Variants in BRIP1 observed in about 807,000 individuals in gnomAD.
BRIP1 encodes Fanconi anemia group J protein.
A neutral mutation model predicts 119.7 loss-of-function variants in BRIP1; 88 were observed. The observed-to-expected ratio is 0.74, with a 90% CI of 0.62 to 0.88. The LOEUF (loss-of-function observed/expected upper bound fraction) is 0.88. Among genes scored for constraint, BRIP1 ranks in the 40% least tolerant of loss-of-function variants. The pLI, the probability that BRIP1 is intolerant of heterozygous loss-of-function variation, is 0.00. For missense variants in BRIP1, 1,259 were observed against 1,455.4 expected, an observed-to-expected ratio of 0.87 and a Z score of 2.20; for synonymous variants, 443 against 496.5, an observed-to-expected ratio of 0.89 and a Z score of 1.43.
chr17:61,772,264 C>T (rs72842989), intron 14 of BRIP1, among the ~76,000 whole-genome samples: 91 of 144,114 alleles, frequency 6.3e-4, no homozygotes, highest in African/African-American at 2.0e-3. Context: ...ACAAGATGGA[C>T]GAACCCTGAA....
chr17:61,776,304 C>G lies in BRIP1; in HGVS notation c.2097+97G>C, dbSNP rs2077531327. 7.2e-7 allele frequency: 1 copy of G among 1,387,592 alleles called. No individual in the cohort carries two copies. Among genetic ancestry groups the G allele is most frequent in the Non-Finnish European group, 1.0e-6 (1 of 978,766 alleles). 86.0% of individuals were successfully genotyped at this position (1,387,592 alleles called of 1,614,324 possible). A position where few individuals can be genotyped will look rare whatever the true frequency, so the allele number is the denominator to read the frequency against. On this transcript the variant is annotated intron_variant, in intron 14 of 19. Transcript: ENST00000259008. This position sits in a 1 kb window ranked among gnomAD's most constrained non-coding sequence, Gnocchi z 5.0. Reference sequence around the variant, plus strand: ...TAGTTATTACCTTGTTGCCTCTACCCTAGGAAGCTTACTGTGGTAATTTTA... The same window carrying G: ...TAGTTATTACCTTGTTGCCTCTACCGTAGGAAGCTTACTGTGGTAATTTTA...
In BRIP1 at chr17:61,738,911, A is replaced by T. The variant is rs1316241214; in HGVS notation, c.2379+4102T>A. ...ATATGTAATCAGAATTATAATCTTG[A>T]TGATCCTTTCAGGCCTTGTTACTTT... On this transcript the variant is annotated intron_variant, in intron 16 of 19. Coordinates refer to ENST00000259008, the MANE Select transcript of BRIP1 (RefSeq NM_032043.3). This position sits in a 1 kb window ranked among gnomAD's most constrained non-coding sequence, Gnocchi z 4.2. The T allele has an allele frequency of 6.6e-6, 1 of 152,514 alleles. No individual in the cohort carries two copies. The highest frequency in any genetic ancestry group is 1.5e-5 in the Non-Finnish European group (1 of 68,264). 9.4% of individuals were successfully genotyped at this position (152,514 alleles called of 1,614,324 possible).
rs2077150597 is a variant in BRIP1 at position 61,752,893 on chromosome 17, T to C, written c.2098-8302A>G. ...GGTTCACAGGTGCTCTGTAGGTATA[T>C]GATTAGCCCAAATATGATTACAGTA... On this transcript the variant is annotated intron_variant, in intron 14 of 19. Coordinates refer to ENST00000259008, the MANE Select transcript of BRIP1 (RefSeq NM_032043.3). The surrounding 1 kb of genome is among the most constrained non-coding windows in gnomAD (Gnocchi z 6.2). 6.6e-6 allele frequency among the ~76,000 whole-genome samples: 1 copy of C among 152,226 alleles called. No homozygotes were observed. Among genetic ancestry groups the C allele is most frequent in the South Asian group, 2.1e-4 (1 of 4,830 alleles).
At chr17:61,811,450 C>T (rs2078160609) in intron 6 of BRIP1, among the ~76,000 whole-genome samples, 3 of 151,540 alleles carry the variant, frequency 2.0e-5, no homozygotes, top group Non-Finnish European at 2.9e-5. Flanking sequence ...CTCGAACTCC[C>T]GAAATCAGGT....
chr17:61,787,746 G>A (rs1223062623), intron 10 of BRIP1, among the ~76,000 whole-genome samples: 1 of 152,022 alleles, frequency 6.6e-6, no homozygotes, highest in Non-Finnish European at 1.5e-5. Flanking sequence ...CCAGGTTTGC[G>A]CCATTCTCCT....
chr17:61,850,170 T>C (rs1431056447), intron 4 of BRIP1, among the ~76,000 whole-genome samples: 1 of 151,506 alleles, frequency 6.6e-6, no homozygotes, highest in East Asian at 2.0e-4. Context: ...TGGTGTGATC[T>C]CAGCTCACCA....
rs73332546 is a variant in BRIP1, at chr17:61,849,963, T to C, written c.380-707A>G. ...TCTTCCTTAATGTCTGTAACACTGC[T>C]CTTAACTATTCTCATACATTGGTTT... On this transcript the variant is annotated intron_variant, in intron 4 of 19. Transcript: ENST00000259008. Among the ~76,000 whole-genome samples, 436 of 152,334 alleles carry C rather than the reference T, an allele frequency of 2.9e-3. 3 individuals are homozygous for C. Among genetic ancestry groups the C allele is most frequent in the African/African-American group, 1.0e-2 (414 of 41,574 alleles).
Position 61,743,726 on chromosome 17 carries a change from C to T in BRIP1, c.2258-592G>A, listed in dbSNP as rs529897677. ...TGTGTGAGACAGGGTCTCACTCTGT[C>T]AGCCAGGCTGGAGTGCAGTGGCACA... On this transcript the variant is annotated intron_variant, in intron 15 of 19. Transcript: ENST00000259008. The surrounding 1 kb of genome is among the most constrained non-coding windows in gnomAD (Gnocchi z 4.3). Among the ~76,000 whole-genome samples, 5 of 152,150 alleles carry T rather than the reference C, an allele frequency of 3.3e-5. No individual in the cohort carries two copies. The highest frequency in any genetic ancestry group is 7.2e-5 in the African/African-American group (3 of 41,442).
chr17:61,680,827 G>A lies in BRIP1; in HGVS notation c.*2469C>T, dbSNP rs375782378. 2.6e-5 allele frequency among the ~76,000 whole-genome samples: 4 copies of A among 152,236 alleles called. No individual in the cohort carries two copies. The highest frequency in any genetic ancestry group is 4.4e-5 in the Non-Finnish European group (3 of 68,010). On this transcript the variant is annotated 3_prime_UTR_variant, in exon 20 of 20. Coordinates refer to ENST00000259008, the MANE Select transcript of BRIP1 (RefSeq NM_032043.3). ...CAAAATGTTTTAATTGTAGCATTGC[G>A]AAAATAAATATCTAGCTTTCCAAGT...
Position 61,780,427 on chromosome 17 carries a change from T to C in BRIP1, c.1795-26A>G, listed in dbSNP as rs758349669. On this transcript the variant is annotated intron_variant, in intron 12 of 19. Transcript: ENST00000259008. This position sits in a 1 kb window ranked among gnomAD's most constrained non-coding sequence, Gnocchi z 5.4. ...CTAAAAGAAAACAACATTAGATAAATAAAATTATCTTTAGAAGAGGCTGGG... is the reference window on the plus strand; with the variant it reads ...CTAAAAGAAAACAACATTAGATAAACAAAATTATCTTTAGAAGAGGCTGGG... 1 of 1,590,252 alleles carries C rather than the reference T, an allele frequency of 6.3e-7. No homozygotes were observed. The highest frequency in any genetic ancestry group is 1.7e-5 in the Admixed American group (1 of 59,962).
At chr17:61,763,241 C>G (rs906919957) in intron 14 of BRIP1, among the ~76,000 whole-genome samples, 1 of 152,012 alleles carries the variant, frequency 6.6e-6, no homozygotes, top group Non-Finnish European at 1.5e-5. Context: ...AAAAGAAATA[C>G]CCATTTATTA....
chr17:61,716,500 A>AT (rs1295935235), intron 16 of BRIP1, among the ~76,000 whole-genome samples: 1 of 152,072 alleles, frequency 6.6e-6, no homozygotes, highest in Non-Finnish European at 1.5e-5. Flanking sequence ...ATAGAATTTC[A>AT]TATAAATATT....
intron 6 of BRIP1, among the ~76,000 whole-genome samples, chr17:61,819,353 T>C (rs2078286417): frequency 6.6e-6 from 1 of 152,166 alleles, no homozygotes; most frequent in Admixed American, 6.5e-5. Context: ...TGAATTACCA[T>C]ATGATCCAGC....
At position 61,760,251 on chromosome 17, in the gene BRIP1, A is replaced by G. The variant is rs1227898835; in HGVS notation, c.2098-15660T>C. ...AATTTAAAAAAAATATATTGAGACA[A>G]ACAAAAATGGAAACACAACATACCA... On this transcript the variant is annotated intron_variant, in intron 14 of 19. Transcript: ENST00000259008. This position sits in a 1 kb window ranked among gnomAD's most constrained non-coding sequence, Gnocchi z 4.6. Among the ~76,000 whole-genome samples, 1 of 151,974 alleles carries G rather than the reference A, an allele frequency of 6.6e-6. No individual in the cohort carries two copies. The highest frequency in any genetic ancestry group is 2.4e-5 in the African/African-American group (1 of 41,434).
rs1478415391 is a variant in BRIP1, at chr17:61,697,280, T to G, written c.2493-3768A>C. Among the ~76,000 whole-genome samples, 9 of 127,488 alleles carry G rather than the reference T, an allele frequency of 7.1e-5. No individual in the cohort carries two copies. The East Asian group carries it at 1.8e-3, about 25-fold the overall frequency. The allele number at this position is 127,488 out of a possible 152,430, so 83.6% of individuals were successfully genotyped here. ...TGAACCTGGGAGGCAGAGGTTGCAG[T>G]GAGCCGAGATCATGCCATTGCACTC... On this transcript the variant is annotated intron_variant, in intron 17 of 19. Transcript: ENST00000259008.
rs1455329968 is a variant in BRIP1 at position 61,789,666 on chromosome 17, T to C, written c.1473+3931A>G. On this transcript the variant is annotated intron_variant, in intron 10 of 19. Coordinates refer to ENST00000259008, the MANE Select transcript of BRIP1 (RefSeq NM_032043.3). The surrounding 1 kb of genome is among the most constrained non-coding windows in gnomAD (Gnocchi z 4.8). ...ACTTATCAGATTAATCAATTTAGAA[T>C]AAGTACACTCATAAAAATGCTACAC... is the stretch of plus-strand genomic sequence containing the variant. Among the ~76,000 whole-genome samples, 2 of 152,102 alleles carry C rather than the reference T, an allele frequency of 1.3e-5. No individual in the cohort carries two copies. The highest frequency in any genetic ancestry group is 2.9e-5 in the Non-Finnish European group (2 of 67,996).
At chr17:61,781,838 T>C (rs770968183) in intron 11 of BRIP1, among the ~76,000 whole-genome samples, 2 of 150,704 alleles carry the variant, frequency 1.3e-5, no homozygotes, top group African/African-American at 2.4e-5. Flanking sequence ...GGAGAATCAC[T>C]TGAACCCGGG....
rs2078035987 is a variant in BRIP1 at position 61,804,090 on chromosome 17, T to C, written c.919-2616A>G. Among the ~76,000 whole-genome samples the C allele has an allele frequency of 6.6e-6, 1 of 152,244 alleles. No homozygotes were observed. Among genetic ancestry groups the C allele is most frequent in the Non-Finnish European group, 1.5e-5 (1 of 68,006 alleles). On this transcript the variant is annotated intron_variant, in intron 7 of 19. Coordinates refer to ENST00000259008, the MANE Select transcript of BRIP1 (RefSeq NM_032043.3). The surrounding 1 kb of genome is among the most constrained non-coding windows in gnomAD (Gnocchi z 4.5). ...ACATACATTATAGCAAATACATTTTTTAAACATTCTGGTAGAATAGATATA... is the reference window on the plus strand; with the variant it reads ...ACATACATTATAGCAAATACATTTTCTAAACATTCTGGTAGAATAGATATA...
At position 61,709,095 on chromosome 17, in the gene BRIP1, A is replaced by G. The variant is rs2061735827; in HGVS notation, c.2492+6856T>C. ...TCTTATACTAATTTGCAACCAAGCC[A>G]CCTGTTTTTAAACCTTACTTTCATT... On this transcript the variant is annotated intron_variant, in intron 17 of 19. Coordinates refer to ENST00000259008, the MANE Select transcript of BRIP1 (RefSeq NM_032043.3). The surrounding 1 kb of genome is among the most constrained non-coding windows in gnomAD (Gnocchi z 5.0). Among the ~76,000 whole-genome samples, 1 of 152,190 alleles carries G rather than the reference A, an allele frequency of 6.6e-6. No individual in the cohort carries two copies. Among genetic ancestry groups the G allele is most frequent in the Non-Finnish European group, 1.5e-5 (1 of 68,022 alleles).
Sources: gnomAD v4.1 joint callset for allele counts (sites outside exome capture counted in the v4.1 genomes callset) on GRCh38, gnomAD v4.1.1 for gene constraint, Gnocchi (gnomAD v3.1) non-coding constraint, MANE v1.5 for transcripts, NCBI Gene and HGNC (gene_info 2026-07-23, HGNC 2026-07-21) for gene names.